The following ZFAND3 variants were observed in gnomAD, a reference collection of about 807,000 sequenced individuals.
The protein encoded by ZFAND3 is zinc finger AN1-type containing 3.
ZFAND3 carries 10 observed loss-of-function variants against 29.6 expected under a neutral mutation model. That is an observed-to-expected ratio of 0.34 (90% CI 0.21 to 0.57). The LOEUF is 0.57. ZFAND3 is among the 20% of genes least tolerant of loss of function. The pLI is 0.86. For missense variants in ZFAND3, 230 were observed against 304.5 expected (o/e 0.76, Z 1.82); for synonymous variants, 128 against 112.6 (o/e 1.14, Z -0.87).
intron 1 of ZFAND3, among the ~76,000 whole-genome samples, chr6:37,849,698 C>T (rs1764248373): frequency 6.6e-6 from 1 of 152,206 alleles, no homozygotes; most frequent in African/African-American, 2.4e-5. Flanking sequence ...GCGTGAGCCA[C>T]AGCGCCTGGC....
At chr6:38,125,411 G>T (rs1765616068) in intron 5 of ZFAND3, among the ~76,000 whole-genome samples, 1 of 152,086 alleles carries the variant, frequency 6.6e-6, no homozygotes, top group Non-Finnish European at 1.5e-5. Context: ...TCTTTGACAG[G>T]GCTGTAGAGA....
chr6:37,854,620 C>G (rs1272465123), intron 1 of ZFAND3, among the ~76,000 whole-genome samples: 2 of 152,132 alleles, frequency 1.3e-5, no homozygotes, highest in Non-Finnish European at 2.9e-5. Flanking sequence ...TCCTTAAGAA[C>G]TCTATGAGAC....
chr6:38,068,916 A>G (rs1764398615), intron 3 of ZFAND3, among the ~76,000 whole-genome samples: 1 of 152,136 alleles, frequency 6.6e-6, no homozygotes, highest in Non-Finnish European at 1.5e-5. Flanking sequence ...TTCCTTGGAA[A>G]CTGGTTTCTG....
chr6:38,147,026 AC>A (rs1766125603), intron 5 of ZFAND3, among the ~76,000 whole-genome samples: 1 of 152,162 alleles, frequency 6.6e-6, no homozygotes, highest in Admixed American at 6.5e-5. Context: ...GGTGTCTGTC[AC>A]CCGAGTGCAG....
chr6:37,831,537 G>A (rs775458517), intron 1 of ZFAND3, among the ~76,000 whole-genome samples: 24 of 152,224 alleles, frequency 1.6e-4, no homozygotes, highest in Non-Finnish European at 2.8e-4. Context: ...TGACAAAACA[G>A]TGTTCGAGAA....
chr6:38,059,521 C>G (rs1441896887), intron 2 of ZFAND3, among the ~76,000 whole-genome samples: 1 of 151,988 alleles, frequency 6.6e-6, no homozygotes, highest in African/African-American at 2.4e-5. Flanking sequence ...ACCATCATAC[C>G]ACCCTCCCTC....
At chr6:37,913,757 C>T (rs1242879763) in intron 1 of ZFAND3, among the ~76,000 whole-genome samples, 1 of 137,210 alleles carries the variant, frequency 7.3e-6, no homozygotes, top group African/African-American at 2.7e-5. Context: ...GTTGCCCAGG[C>T]TGGAGTGCAA....
At chr6:37,944,887 TCAAGAAAGG>T (rs1761873799) in intron 2 of ZFAND3, among the ~76,000 whole-genome samples, 1 of 152,204 alleles carries the variant, frequency 6.6e-6, no homozygotes, top group Non-Finnish European at 1.5e-5. Context: ...AAGTACATGC[TCAAGAAAGG>T]GGAGTGCGAG....
chr6:37,922,898 TACTGTGGATGTTATAAGC>T (rs1290049881), intron 1 of ZFAND3, among the ~76,000 whole-genome samples: 24 of 152,208 alleles, frequency 1.6e-4, no homozygotes, highest in African/African-American at 5.8e-4. Context: ...GACATTATGT[TACTGTGGATGTTATAAGC>T]ACTGTACACT....
chr6:37,992,568 C>T lies in ZFAND3; in HGVS notation c.112+62569C>T, dbSNP rs572842972. Reference sequence around the variant, plus strand: ...GCTGGTTGCAAACATTGACACTCCACCCTTAAATTCTTCAGCTTATTCTCC... The same window carrying T: ...GCTGGTTGCAAACATTGACACTCCATCCTTAAATTCTTCAGCTTATTCTCC... On this transcript the variant is annotated intron_variant, in intron 2 of 5. Coordinates refer to ENST00000287218, the MANE Select transcript of ZFAND3 (RefSeq NM_021943.3). Among the ~76,000 whole-genome samples, 95 of 152,140 alleles carry T rather than the reference C, an allele frequency of 6.2e-4. 1 individual carries two copies. The highest frequency in any genetic ancestry group is 2.2e-3 in the African/African-American group (92 of 41,502).
chr6:37,867,771 C>A (rs1764615192), intron 1 of ZFAND3, among the ~76,000 whole-genome samples: 1 of 152,136 alleles, frequency 6.6e-6, no homozygotes, highest in Admixed American at 6.5e-5. Context: ...CCAAAGTATG[C>A]TTTGTAGGAG....
intron 5 of ZFAND3, among the ~76,000 whole-genome samples, chr6:38,123,238 A>G (rs1348670673): frequency 6.6e-6 from 1 of 152,246 alleles, no homozygotes; most frequent in African/African-American, 2.4e-5. Flanking sequence ...TACACAATGA[A>G]CAAACAGTGA....
intron 1 of ZFAND3, among the ~76,000 whole-genome samples, chr6:37,888,506 A>G (rs1393358883): frequency 6.6e-6 from 1 of 152,170 alleles, no homozygotes; most frequent in East Asian, 1.9e-4. Context: ...TGTATGTGCA[A>G]TCCAAATTAT....
At chr6:37,992,666 A>G (rs183977735) in intron 2 of ZFAND3, among the ~76,000 whole-genome samples, 3 of 152,332 alleles carry the variant, frequency 2.0e-5, no homozygotes, top group Non-Finnish European at 2.9e-5. Context: ...CAATAATTCC[A>G]TAAAATTGAA....
chr6:37,930,062 TC>T, intron 2 of ZFAND3, 63 bp downstream of exon 2: 1 of 1,451,178 alleles, frequency 6.9e-7, no homozygotes, highest in Non-Finnish European at 9.3e-7. Flanking sequence ...TTTTTTTGGT[TC>T]TTTTTAAGAC....
At chr6:38,063,147 G>C (rs1190356407) in intron 3 of ZFAND3, among the ~76,000 whole-genome samples, 3 of 152,100 alleles carry the variant, frequency 2.0e-5, no homozygotes, top group Non-Finnish European at 4.4e-5. Flanking sequence ...AAACACAGTA[G>C]GTTAGAATGT....
chr6:38,151,773 C>T (rs1766231495), intron 5 of ZFAND3, among the ~76,000 whole-genome samples: 1 of 152,180 alleles, frequency 6.6e-6, no homozygotes, highest in Admixed American at 6.5e-5. Flanking sequence ...TCCTCTCAAG[C>T]CCCGGCTGTA....
intron 1 of ZFAND3, among the ~76,000 whole-genome samples, chr6:37,825,645 G>A (rs953537284): frequency 2.6e-5 from 4 of 151,478 alleles, no homozygotes; most frequent in East Asian, 1.9e-4. Context: ...TCCATTTACC[G>A]TCTCCCACTC....
At chr6:37,972,729 G>A (rs1762411970) in intron 2 of ZFAND3, among the ~76,000 whole-genome samples, 1 of 151,076 alleles carries the variant, frequency 6.6e-6, no homozygotes, top group African/African-American at 2.4e-5. Flanking sequence ...ATTGGGGTAA[G>A]ATTTTATTTT....
Sources: gnomAD v4.1 joint callset for allele counts (sites outside exome capture counted in the v4.1 genomes callset) on GRCh38, gnomAD v4.1.1 for gene constraint, MANE v1.5 for transcripts, NCBI Gene and HGNC (gene_info 2026-07-23, HGNC 2026-07-21) for gene names.